Variants in CSMD1 observed in about 807,000 individuals in gnomAD.
The protein encoded by CSMD1 is CUB and sushi domain-containing protein 1.
A neutral mutation model predicts 417.5 loss-of-function variants in CSMD1; 213 were observed. That is an observed-to-expected ratio of 0.51 (90% CI 0.46 to 0.57). CSMD1 has a LOEUF of 0.57. CSMD1 is among the 20% of genes least tolerant of loss of function. The pLI is 0.00. For missense variants in CSMD1, 6,923 were observed against 4,529.7 expected (o/e 1.53, Z -15.17); for synonymous variants, 2,862 against 1,736.8 (o/e 1.65, Z -16.11).
intron 6 of CSMD1, among the ~76,000 whole-genome samples, chr8:3,713,833 G>C (rs1012965955): frequency 6.6e-6 from 1 of 152,158 alleles, no homozygotes; most frequent in Non-Finnish European, 1.5e-5. Flanking sequence ...CAGAGTTTGG[G>C]AGAAATGGGT....
intron 3 of CSMD1, among the ~76,000 whole-genome samples, chr8:4,170,467 G>A (rs12156172): frequency 6.6e-6 from 1 of 151,756 alleles, no homozygotes; most frequent in Non-Finnish European, 1.5e-5. Context: ...ATCTATAGGT[G>A]CCTCTACTTC....
intron 52 of CSMD1, among the ~76,000 whole-genome samples, chr8:3,008,812 T>C (rs946689176): frequency 2.0e-5 from 3 of 152,202 alleles, no homozygotes; most frequent in African/African-American, 4.8e-5. Context: ...TGATTGTCAG[T>C]GGTGACTTTC....
chr8:3,088,106 C>T (rs1290154200), intron 48 of CSMD1, among the ~76,000 whole-genome samples: 1 of 152,156 alleles, frequency 6.6e-6, no homozygotes, highest in Non-Finnish European at 1.5e-5. Flanking sequence ...CTCACAATAG[C>T]TTTAATCATC....
chr8:3,334,911 T>A (rs531835132), intron 23 of CSMD1, among the ~76,000 whole-genome samples: 1 of 152,332 alleles, frequency 6.6e-6, no homozygotes, highest in African/African-American at 2.4e-5. Context: ...TCCCATTGCA[T>A]CTGTAGCACG....
intron 4 of CSMD1, among the ~76,000 whole-genome samples, chr8:4,017,762 A>C: frequency 6.6e-6 from 1 of 152,138 alleles, no homozygotes; most frequent in East Asian, 1.9e-4. Flanking sequence ...AAACTTCCTA[A>C]ATAAATGAAG....
chr8:4,763,796 G>C (rs1021775372), intron 1 of CSMD1, among the ~76,000 whole-genome samples: 1 of 152,188 alleles, frequency 6.6e-6, no homozygotes, highest in Admixed American at 6.5e-5. Context: ...TTATCTAAAA[G>C]ACTGCAATTA....
At chr8:3,863,622 G>C (rs1210400650) in intron 5 of CSMD1, among the ~76,000 whole-genome samples, 2 of 152,020 alleles carry the variant, frequency 1.3e-5, no homozygotes, top group Non-Finnish European at 2.9e-5. Context: ...TGTATGTTTT[G>C]TTCACTTCAG....
rs141848563 is a variant in CSMD1, at chr8:4,448,787, A to G, written c.303-28722T>C. ...CATATTTAAGGCTTTAAATGATGTC[A>G]TCTGCAGAAGGAGACAGAAACCTAA... On this transcript the variant is annotated intron_variant, in intron 2 of 69. Coordinates refer to ENST00000635120, the MANE Select transcript of CSMD1 (RefSeq NM_033225.6). 1.7e-3 allele frequency among the ~76,000 whole-genome samples: 257 copies of G among 152,312 alleles called. 1 individual carries two copies. The highest frequency in any genetic ancestry group is 6.0e-3 in the African/African-American group (248 of 41,564).
intron 1 of CSMD1, among the ~76,000 whole-genome samples, chr8:4,714,995 A>G (rs962728240): frequency 6.6e-6 from 1 of 152,180 alleles, no homozygotes; most frequent in Non-Finnish European, 1.5e-5. Flanking sequence ...ATGCTCACAG[A>G]TGGCAATAAT....
At chr8:3,578,092 G>A (rs994434464) in intron 9 of CSMD1, among the ~76,000 whole-genome samples, 7 of 152,164 alleles carry the variant, frequency 4.6e-5, no homozygotes, top group Non-Finnish European at 7.3e-5. Context: ...GGAGAGAGAA[G>A]AGCCAACATA....
At chr8:4,685,371 C>T (rs551557403) in intron 1 of CSMD1, among the ~76,000 whole-genome samples, 3 of 152,140 alleles carry the variant, frequency 2.0e-5, no homozygotes, top group East Asian at 1.9e-4. Context: ...GTCAGGAGTT[C>T]GAGACCAGCC....
chr8:4,622,161 G>T (rs1801818559), intron 2 of CSMD1, among the ~76,000 whole-genome samples: 1 of 148,250 alleles, frequency 6.7e-6, no homozygotes, highest in Non-Finnish European at 1.5e-5. Context: ...GCAAAGAGGG[G>T]TAAAGAGAAT....
chr8:4,790,255 C>G (rs982965701), intron 1 of CSMD1, among the ~76,000 whole-genome samples: 2 of 152,052 alleles, frequency 1.3e-5, no homozygotes, highest in Non-Finnish European at 2.9e-5. Flanking sequence ...AATAAAATAA[C>G]TAGGAATACA....
intron 2 of CSMD1, among the ~76,000 whole-genome samples, chr8:4,554,603 T>A (rs976480724): frequency 5.9e-5 from 9 of 152,230 alleles, no homozygotes; most frequent in Non-Finnish European, 4.4e-5. Flanking sequence ...TCATACACCG[T>A]TCTCAGGATG....
At chr8:4,244,494 A>T (rs761112598) in intron 3 of CSMD1, among the ~76,000 whole-genome samples, 6 of 152,174 alleles carry the variant, frequency 3.9e-5, no homozygotes, top group Non-Finnish European at 8.8e-5. Context: ...GATAACCTAA[A>T]AATAGTTTGA....
intron 3 of CSMD1, among the ~76,000 whole-genome samples, chr8:4,201,942 A>G (rs1799673593): frequency 6.6e-6 from 1 of 150,846 alleles, no homozygotes; most frequent in Non-Finnish European, 1.5e-5. Context: ...TATTCAAGCC[A>G]ACCACAAAAA....
intron 5 of CSMD1, among the ~76,000 whole-genome samples, chr8:3,812,781 T>C (rs558772567): frequency 1.3e-5 from 2 of 152,218 alleles, no homozygotes; most frequent in Middle Eastern, 3.2e-3. Flanking sequence ...GGTCAATGTA[T>C]AGTAGCTATT....
chr8:4,130,494 T>A (rs1045093202), intron 3 of CSMD1, among the ~76,000 whole-genome samples: 1 of 152,108 alleles, frequency 6.6e-6, no homozygotes, highest in Admixed American at 6.6e-5. Flanking sequence ...CTGAGGCGAG[T>A]TGATTTGATT....
intron 2 of CSMD1, among the ~76,000 whole-genome samples, chr8:4,592,979 G>A (rs1002119667): frequency 6.6e-6 from 1 of 152,044 alleles, no homozygotes; most frequent in Non-Finnish European, 1.5e-5. Context: ...GTTTTCTCAG[G>A]CTTTCCTGTG....
Sources: gnomAD v4.1 joint callset for allele counts (sites outside exome capture counted in the v4.1 genomes callset) on GRCh38, gnomAD v4.1.1 for gene constraint, MANE v1.5 for transcripts, NCBI Gene and HGNC (gene_info 2026-07-23, HGNC 2026-07-21) for gene names.